FOXF1: variants seen among roughly 807,000 people sequenced by gnomAD.
The protein encoded by FOXF1 is forkhead box F1, also known as forkhead box protein F1.
Under a neutral mutation model 26.6 loss-of-function variants are expected in FOXF1, and 9 were observed. The ratio of observed to expected loss-of-function variants is 0.34; its 90% confidence interval spans 0.20 to 0.59. The LOEUF (loss-of-function observed/expected upper bound fraction) is 0.59. Among genes scored for constraint, FOXF1 ranks in the 20% least tolerant of loss-of-function variants. FOXF1 has a pLI of 0.83. For synonymous variants in FOXF1, 330 were observed against 257.7 expected (o/e 1.28, Z -2.69); for missense variants, 499 against 549.9 (o/e 0.91, Z 0.93).
In FOXF1 at chr16:86,511,400, G is replaced by A. The variant is rs755641414; in HGVS notation, c.831G>A (p.Ala277=). The A allele has an allele frequency of 1.3e-6, 2 of 1,590,004 alleles. No individual in the cohort carries two copies. Among genetic ancestry groups the A allele is most frequent in the Non-Finnish European group, 8.5e-7 (1 of 1,176,186 alleles). Residue 277 remains alanine, a synonymous_variant, in exon 1 of 2, where the codon GCG becomes GCA. Coordinates refer to ENST00000262426, the MANE Select transcript of FOXF1 (RefSeq NM_001451.3). ...AAAWPPSASA[A]LNSGASYIKQ... ...CCTGGCCGCCCTCGGCGTCCGCGGC[G>A]CTCAACAGCGGCGCCTCTTATATCA...
chr16:86,511,459 C>T lies in FOXF1; in HGVS notation c.890C>T (p.Ala297Val). Residue 297 changes from alanine to valine, a missense_variant, in exon 1 of 2, where the codon GCC (alanine) becomes GTC (valine). This residue lies in a region of FOXF1 where 367 missense variants were observed against 324.8 expected (regional missense o/e 1.13). Coordinates refer to ENST00000262426, the MANE Select transcript of FOXF1 (RefSeq NM_001451.3). ...CCCCTGTCCCCCTGTAACCCCGCGG[C>T]CAACCCCCTGTCCGGCAGCCTCTCC... ...QQPLSPCNPA[A>V]NPLSGSLSTH... The T allele has an allele frequency of 6.3e-7, 1 of 1,592,760 alleles. No individual in the cohort carries two copies. The highest frequency in any genetic ancestry group is 1.1e-5 in the South Asian group (1 of 90,160).
At position 86,514,928 on chromosome 16, in the gene FOXF1, G is replaced by A. The variant is rs2143197620; in HGVS notation, c.*1843G>A. ...TTTACTTTGGGTTTCCGACTTTCTTGTTCTCTTGCTGTAGCTGTTATAAAT... is the reference window on the plus strand; with the variant it reads ...TTTACTTTGGGTTTCCGACTTTCTTATTCTCTTGCTGTAGCTGTTATAAAT... On this transcript the variant is annotated 3_prime_UTR_variant, in exon 2 of 2. Coordinates refer to ENST00000262426, the MANE Select transcript of FOXF1 (RefSeq NM_001451.3). 1 of 152,106 alleles carries A rather than the reference G, an allele frequency of 6.6e-6. No individual in the cohort carries two copies. Among genetic ancestry groups the A allele is most frequent in the South Asian group, 2.1e-4 (1 of 4,804 alleles). 9.4% of individuals were successfully genotyped at this position (152,106 alleles called of 1,614,324 possible). A position where few individuals can be genotyped will look rare whatever the true frequency, so the allele number is the denominator to read the frequency against.
chr16:86,511,766 TC>T (rs1348466603), intron 1 of FOXF1, among the ~76,000 whole-genome samples: 1 of 152,180 alleles, frequency 6.6e-6, no homozygotes, highest in Non-Finnish European at 1.5e-5. Context: ...CTCTTTCTGT[TC>T]GAACTCCAGC....
rs1969549040 is a variant in FOXF1 at position 86,510,763 on chromosome 16, C to T, written c.194C>T (p.Pro65Leu). The change falls in exon 1 of 2, where the codon CCC becomes CTC. Residue 65 changes from proline to leucine, a missense_variant. Physicochemically the swap from Pro to Leu is moderately conservative, Grantham distance 98. Coordinates refer to ENST00000262426, the MANE Select transcript of FOXF1 (RefSeq NM_001451.3). ...ATCGTCATGGCCATCCAGAGTTCAC[C>T]CACCAAGCGCCTGACGCTGAGCGAG... Reference protein sequence around the residue: ...ALIVMAIQSSPTKRLTLSEIY... With the variant: ...ALIVMAIQSSLTKRLTLSEIY... 1 of 1,613,830 alleles carries T rather than the reference C, an allele frequency of 6.2e-7. No individual in the cohort carries two copies. The highest frequency in any genetic ancestry group is 1.7e-5 in the Admixed American group (1 of 60,002).
chr16:86,511,219 C>G lies in FOXF1; in HGVS notation c.650C>G (p.Pro217Arg), dbSNP rs764898792. The change falls in exon 1 of 2, where the codon CCT becomes CGT. Residue 217 changes from proline (P) to arginine (R), a missense_variant. By Grantham distance (103) the Pro-to-Arg change is moderately radical. Transcript: ENST00000262426. ...ALPSHSVPHL[P>R]SNGGHSYMGG... ...CCCAGCCACTCGGTGCCCCACCTGC[C>G]TTCCAACGGCGGCCACTCGTACATG... 40 of 1,538,302 alleles carry G rather than the reference C, an allele frequency of 2.6e-5. No homozygotes were observed. The highest frequency in any genetic ancestry group is 3.5e-5 in the Non-Finnish European group (40 of 1,148,302).
In FOXF1 at chr16:86,510,555, G is replaced by GGCA; in HGVS notation, c.-9_-7dup. 2.3e-6 allele frequency: 3 copies of GGCA among 1,312,508 alleles called. No homozygotes were observed. The highest frequency in any genetic ancestry group is 2.9e-6 in the Non-Finnish European group (3 of 1,034,888). 81.3% of individuals were successfully genotyped at this position (1,312,508 alleles called of 1,614,324 possible). A position where few individuals can be genotyped will look rare whatever the true frequency, so the allele number is the denominator to read the frequency against. On this transcript the variant is annotated 5_prime_UTR_variant, in exon 1 of 2. Coordinates refer to ENST00000262426, the MANE Select transcript of FOXF1 (RefSeq NM_001451.3). Reference sequence around the variant, plus strand: ...GAGCAGCGGCGGCAGCGGCGGCGGCGGCAGCAGCCACCCGATGTCTTCGGC... The same window carrying GGCA: ...GAGCAGCGGCGGCAGCGGCGGCGGCGGCAGCAGCAGCCACCCGATGTCTTCGGC...
chr16:86,511,252 G>A lies in FOXF1; in HGVS notation c.683G>A (p.Cys228Tyr). The change falls in exon 1 of 2, where the codon TGC (cysteine) becomes TAC (tyrosine). Residue 228 changes from cysteine to tyrosine, a missense_variant. Physicochemically the swap from Cys to Tyr is radical, Grantham distance 194. Around this residue, in one of 5 missense-constraint regions of FOXF1, gnomAD observed 367 missense variants for 324.8 expected, o/e 1.13. Coordinates refer to ENST00000262426, the MANE Select transcript of FOXF1 (RefSeq NM_001451.3). ...GGCGGCCACTCGTACATGGGCGGCT[G>A]CGGCGGCGCGGCGGCCGGCGAGTAC... Reference protein sequence around the residue: ...SNGGHSYMGGCGGAAAGEYPH... With the variant: ...SNGGHSYMGGYGGAAAGEYPH... 6.6e-7 allele frequency: 1 copy of A among 1,519,164 alleles called. No homozygotes were observed. The highest frequency in any genetic ancestry group is 8.8e-7 in the Non-Finnish European group (1 of 1,139,948). The allele number at this position is 1,519,164 out of a possible 1,614,324, so 94.1% of individuals were successfully genotyped here. A position where few individuals can be genotyped will look rare whatever the true frequency, so the allele number is the denominator to read the frequency against.
rs753889969 is a variant in FOXF1 at position 86,511,125 on chromosome 16, C to T, written c.556C>T (p.Leu186=). The change falls in exon 1 of 2, where the codon CTG becomes TTG. Residue 186 remains leucine, a synonymous_variant. Transcript: ENST00000262426. ...AGGLSCPPNS[L]ALEGGLGMMN... ...CGGCCTCTCGTGCCCGCCCAACAGC[C>T]TGGCGCTGGAGGGCGGCCTGGGCAT... 6.2e-7 allele frequency: 1 copy of T among 1,603,866 alleles called. No individual in the cohort carries two copies. Among genetic ancestry groups the T allele is most frequent in the Admixed American group, 1.7e-5 (1 of 59,972 alleles).
Position 86,511,050 on chromosome 16 carries a change from C to T in FOXF1, c.481C>T (p.Leu161Phe). The T allele has an allele frequency of 6.2e-7, 1 of 1,611,452 alleles. No individual in the cohort carries two copies. ...LKPMYSMMNG[L>F]GFNHLPDTYG... ...GCCCATGTACAGCATGATGAACGGG[C>T]TCGGCTTCAACCACCTCCCGGACAC... The change falls in exon 1 of 2, where the codon CTC becomes TTC. Residue 161 changes from leucine to phenylalanine, a missense_variant. Transcript: ENST00000262426.
At chr16:86,511,625 C>T in intron 1 of FOXF1, 77 bp downstream of exon 1, 1 of 1,533,688 alleles carries the variant, frequency 6.5e-7, no homozygotes, top group East Asian at 2.4e-5. Flanking sequence ...CTGGGGCGAG[C>T]CCCTCCACTT....
rs1404904528 is a variant in FOXF1, at chr16:86,510,765, A to G, written c.196A>G (p.Thr66Ala). Residue 66 changes from threonine (T) to alanine (A), a missense_variant, in exon 1 of 2, where the codon ACC (threonine) becomes GCC (alanine). Physicochemically the swap from Thr to Ala is moderately conservative, Grantham distance 58 (BLOSUM62 0). Around this residue, in one of 5 missense-constraint regions of FOXF1, gnomAD observed 20 missense variants for 56.1 expected, o/e 0.36. Coordinates refer to ENST00000262426, the MANE Select transcript of FOXF1 (RefSeq NM_001451.3). ...LIVMAIQSSP[T>A]KRLTLSEIYQ... ...CGTCATGGCCATCCAGAGTTCACCC[A>G]CCAAGCGCCTGACGCTGAGCGAGAT... 1.9e-6 allele frequency: 3 copies of G among 1,613,208 alleles called. No individual in the cohort carries two copies. The highest frequency in any genetic ancestry group is 2.5e-6 in the Non-Finnish European group (3 of 1,179,752).
chr16:86,510,560 C>A lies in FOXF1; in HGVS notation c.-10C>A. 7.6e-7 allele frequency: 1 copy of A among 1,321,546 alleles called. No homozygotes were observed. Among genetic ancestry groups the A allele is most frequent in the Non-Finnish European group, 9.6e-7 (1 of 1,040,064 alleles). 81.9% of individuals were successfully genotyped at this position (1,321,546 alleles called of 1,614,324 possible). A position where few individuals can be genotyped will look rare whatever the true frequency, so the allele number is the denominator to read the frequency against. Reference sequence around the variant, plus strand: ...GCGGCGGCAGCGGCGGCGGCGGCAGCAGCCACCCGATGTCTTCGGCGCCCG... The same window carrying A: ...GCGGCGGCAGCGGCGGCGGCGGCAGAAGCCACCCGATGTCTTCGGCGCCCG... On this transcript the variant is annotated 5_prime_UTR_variant, in exon 1 of 2. Transcript: ENST00000262426.
chr16:86,510,632 A>C lies in FOXF1; in HGVS notation c.63A>C (p.Gly21=), dbSNP rs979369436. 2.1e-6 allele frequency: 3 copies of C among 1,395,946 alleles called. No individual in the cohort carries two copies. Among genetic ancestry groups the C allele is most frequent in the Non-Finnish European group, 1.8e-6 (2 of 1,081,692 alleles). 86.5% of individuals were successfully genotyped at this position (1,395,946 alleles called of 1,614,324 possible). Reference sequence around the variant, plus strand: ...GCGGCGGCGGCGGCGGCGGCGGGGGAGGCGGCGCGGCCATGGACCCCGCGT... The same window carrying C: ...GCGGCGGCGGCGGCGGCGGCGGGGGCGGCGGCGCGGCCATGGACCCCGCGT... ...PHGGGGGGGG[G]GGAAMDPASS... is the part of the protein sequence containing the mutation. The change falls in exon 1 of 2, where the codon GGA becomes GGC. Residue 21 remains glycine, a synonymous_variant. Coordinates refer to ENST00000262426, the MANE Select transcript of FOXF1 (RefSeq NM_001451.3).
Position 86,511,522 on chromosome 16 carries a change from G to C in FOXF1, c.953G>C (p.Ser318Thr). The C allele has an allele frequency of 6.3e-7, 1 of 1,587,386 alleles. No individual in the cohort carries two copies. The highest frequency in any genetic ancestry group is 8.5e-7 in the Non-Finnish European group (1 of 1,175,282). ...GAGCAGCCGTATCTGCACCAGAACA[G>C]CCACAACGCCCCAGCCGAGCTGCAA... ...SLEQPYLHQN[S>T]HNAPAELQGI... Residue 318 changes from serine (S) to threonine (T), a missense_variant, in exon 1 of 2, where the codon AGC (serine) becomes ACC (threonine). Ser to Thr is a moderately conservative substitution (Grantham distance 58, BLOSUM62 1). This residue lies in a region of FOXF1 where 367 missense variants were observed against 324.8 expected (regional missense o/e 1.13). Coordinates refer to ENST00000262426, the MANE Select transcript of FOXF1 (RefSeq NM_001451.3).
Position 86,511,482 on chromosome 16 carries a change from T to C in FOXF1, c.913T>C (p.Ser305Pro). 1 of 1,587,218 alleles carries C rather than the reference T, an allele frequency of 6.3e-7. No individual in the cohort carries two copies. The highest frequency in any genetic ancestry group is 8.5e-7 in the Non-Finnish European group (1 of 1,175,192). The stretch of plus-strand genomic sequence containing the variant: ...GGCCAACCCCCTGTCCGGCAGCCTC[T>C]CCACGCACTCCCTGGAGCAGCCGTA... Reference protein sequence around the residue: ...PAANPLSGSLSTHSLEQPYLH... With the variant: ...PAANPLSGSLPTHSLEQPYLH... The change falls in exon 1 of 2, where the codon TCC (serine) becomes CCC (proline). Residue 305 changes from serine to proline, a missense_variant. By Grantham distance (74) the Ser-to-Pro change is moderately conservative. Transcript: ENST00000262426.
At chr16:86,511,858 T>A (rs936674594) in intron 1 of FOXF1, among the ~76,000 whole-genome samples, 3 of 152,202 alleles carry the variant, frequency 2.0e-5, no homozygotes, top group African/African-American at 4.8e-5. Context: ...TCCTTTTGTG[T>A]CCCTTAAGTC....
At position 86,513,039 on chromosome 16, in the gene FOXF1, A is replaced by G. The variant is rs1413989244; in HGVS notation, c.1094A>G (p.Tyr365Cys). The change falls in exon 2 of 2, where the codon TAC (tyrosine) becomes TGC (cysteine). Residue 365 changes from tyrosine (Y) to cysteine (C), a missense_variant. By Grantham distance (194) the Tyr-to-Cys change is radical. Transcript: ENST00000262426. ...CACTCGGCCGGCGGGGGCTCCTACT[A>G]CCACCAGCAGGTCACCTACCAAGAC... is the stretch of plus-strand genomic sequence containing the variant. ...SMHSAGGGSY[Y>C]HQQVTYQDIK... The G allele has an allele frequency of 6.2e-7, 1 of 1,613,054 alleles. No individual in the cohort carries two copies. The highest frequency in any genetic ancestry group is 8.5e-7 in the Non-Finnish European group (1 of 1,179,978).
chr16:86,512,012 A>G (rs957917457), intron 1 of FOXF1, among the ~76,000 whole-genome samples: 1 of 152,148 alleles, frequency 6.6e-6, no homozygotes, highest in Admixed American at 6.5e-5. Flanking sequence ...GTTAGGCCCA[A>G]AGCCGCTGGG....
Position 86,511,184 on chromosome 16 carries a change from C to T in FOXF1, c.615C>T (p.Gly205=). 1 of 1,567,300 alleles carries T rather than the reference C, an allele frequency of 6.4e-7. No individual in the cohort carries two copies. Among genetic ancestry groups the T allele is most frequent in the Non-Finnish European group, 8.6e-7 (1 of 1,164,854 alleles). Residue 205 remains glycine, a synonymous_variant, in exon 1 of 2, where the codon GGC becomes GGT. Coordinates refer to ENST00000262426, the MANE Select transcript of FOXF1 (RefSeq NM_001451.3). Reference sequence around the variant, plus strand: ...GCCACTTGCCGGGCAACGTGGACGGCATGGCCCTGCCCAGCCACTCGGTGC... The same window carrying T: ...GCCACTTGCCGGGCAACGTGGACGGTATGGCCCTGCCCAGCCACTCGGTGC... ...MNGHLPGNVD[G]MALPSHSVPH...
Sources: allele counts gnomAD v4.1 joint callset (sites outside exome capture counted in the v4.1 genomes callset), GRCh38; gene constraint gnomAD v4.1.1; regional missense constraint gnomAD v4.1.1; transcripts MANE v1.5; gene names NCBI Gene and HGNC (gene_info 2026-07-23, HGNC 2026-07-21).